SRRM4: variants seen among roughly 807,000 people sequenced by gnomAD.
SRRM4 encodes the protein serine/arginine repetitive matrix 4, also known as serine/arginine repetitive matrix protein 4.
Under a neutral mutation model 68.9 loss-of-function variants are expected in SRRM4, and 33 were observed. The observed-to-expected ratio is 0.48, with a 90% CI of 0.36 to 0.64. The LOEUF (loss-of-function observed/expected upper bound fraction) is 0.64. Among genes scored for constraint, SRRM4 ranks in the 30% least tolerant of loss-of-function variants. The pLI, the probability that SRRM4 is intolerant of heterozygous loss-of-function variation, is 0.00. For missense variants in SRRM4, 817 were observed against 827.1 expected (o/e 0.99, Z 0.15); for synonymous variants, 318 against 318.8 (o/e 1.00, Z 0.03).
intron 1 of SRRM4, among the ~76,000 whole-genome samples, chr12:119,050,850 C>G (rs1054638897): frequency 6.6e-6 from 1 of 151,870 alleles, no homozygotes; most frequent in Non-Finnish European, 1.5e-5. Flanking sequence ...ATTAAATGTA[C>G]TATTTATTTA....
At chr12:119,073,897 G>T (rs1953893316) in intron 1 of SRRM4, among the ~76,000 whole-genome samples, 1 of 152,174 alleles carries the variant, frequency 6.6e-6, no homozygotes, top group South Asian at 2.1e-4. Context: ...CTCCCAAAGT[G>T]CTGGGATTAT....
At chr12:119,112,849 A>C (rs1954153184) in intron 2 of SRRM4, among the ~76,000 whole-genome samples, 3 of 152,202 alleles carry the variant, frequency 2.0e-5, no homozygotes, top group Admixed American at 1.3e-4. Flanking sequence ...GAGCAAATGC[A>C]TGCTGGGCTT....
chr12:119,082,504 G>A (rs1953955158), intron 1 of SRRM4, among the ~76,000 whole-genome samples: 1 of 152,170 alleles, frequency 6.6e-6, no homozygotes, highest in Non-Finnish European at 1.5e-5. Flanking sequence ...TGCAACAAAA[G>A]GCAAAATCCT....
chr12:119,063,835 C>T (rs1400325953), intron 1 of SRRM4, among the ~76,000 whole-genome samples: 1 of 152,120 alleles, frequency 6.6e-6, no homozygotes, highest in Non-Finnish European at 1.5e-5. Context: ...AGTATCTATT[C>T]TCTTGTGAAT....
chr12:119,055,222 C>T (rs756021981), intron 1 of SRRM4, among the ~76,000 whole-genome samples: 3 of 152,112 alleles, frequency 2.0e-5, no homozygotes, highest in Admixed American at 6.6e-5. Flanking sequence ...ACTGGAGTTT[C>T]GTCACTTCTC....
chr12:119,042,333 G>A (rs1953675101), intron 1 of SRRM4, among the ~76,000 whole-genome samples: 1 of 151,980 alleles, frequency 6.6e-6, no homozygotes, highest in Admixed American at 6.6e-5. Flanking sequence ...AGAAAAAGCG[G>A]AGAAAGAAGA....
intron 1 of SRRM4, among the ~76,000 whole-genome samples, chr12:119,034,789 T>A (rs1953615573): frequency 6.6e-6 from 1 of 152,222 alleles, no homozygotes; most frequent in Non-Finnish European, 1.5e-5. Flanking sequence ...TCGTCCCTGG[T>A]TCTTTTGGTG....
At chr12:119,014,126 G>A (rs1370460520) in intron 1 of SRRM4, among the ~76,000 whole-genome samples, 1 of 151,986 alleles carries the variant, frequency 6.6e-6, no homozygotes, top group Non-Finnish European at 1.5e-5. Context: ...ACACGTCTTT[G>A]CATGTTTGTT....
chr12:119,127,728 CAA>C (rs140110081), intron 7 of SRRM4, among the ~76,000 whole-genome samples: 5 of 131,016 alleles, frequency 3.8e-5, no homozygotes, highest in African/African-American at 1.2e-4. Flanking sequence ...AAGTCTGTCT[CAA>C]AAAAAAAAAA....
At chr12:119,097,950 T>C (rs1954055600) in intron 1 of SRRM4, among the ~76,000 whole-genome samples, 1 of 152,216 alleles carries the variant, frequency 6.6e-6, no homozygotes. Context: ...GGATTGCTTG[T>C]GGTATCGATT....
At chr12:119,068,834 G>A (rs760214362) in intron 1 of SRRM4, among the ~76,000 whole-genome samples, 69 of 152,242 alleles carry the variant, frequency 4.5e-4, no homozygotes, top group Non-Finnish European at 7.5e-4. Context: ...GGGATGGCAA[G>A]GAGAAAGAAA....
chr12:119,009,314 G>T (rs1250126722), intron 1 of SRRM4, among the ~76,000 whole-genome samples: 1 of 152,080 alleles, frequency 6.6e-6, no homozygotes, highest in Non-Finnish European at 1.5e-5. Context: ...TAGAGAATCC[G>T]GGCCAAGAAA....
At chr12:119,034,243 C>T (rs773367763) in intron 1 of SRRM4, among the ~76,000 whole-genome samples, 118 of 152,110 alleles carry the variant, frequency 7.8e-4, no homozygotes, top group Non-Finnish European at 1.3e-3. Flanking sequence ...GGGTTTTATT[C>T]CCCACACCAA....
chr12:119,017,047 TA>T (rs1276010902), intron 1 of SRRM4, among the ~76,000 whole-genome samples: 2 of 152,248 alleles, frequency 1.3e-5, no homozygotes, highest in Non-Finnish European at 2.9e-5. Flanking sequence ...GCTTGTTAAA[TA>T]AACAGCAAAC....
chr12:119,015,606 T>G (rs1723918074), intron 1 of SRRM4, among the ~76,000 whole-genome samples: 2 of 152,332 alleles, frequency 1.3e-5, no homozygotes, highest in South Asian at 4.1e-4. Context: ...TGACTGCATT[T>G]AGAACTACCC....
At chr12:119,101,959 C>G (rs1954080069) in intron 1 of SRRM4, among the ~76,000 whole-genome samples, 1 of 152,156 alleles carries the variant, frequency 6.6e-6, no homozygotes, top group Non-Finnish European at 1.5e-5. Context: ...AGGCATCTTT[C>G]CTTCATCAAA....
intron 3 of SRRM4, among the ~76,000 whole-genome samples, chr12:119,115,603 G>A (rs1203193008): frequency 1.2e-4 from 19 of 152,280 alleles, no homozygotes; most frequent in Admixed American, 2.6e-4. Flanking sequence ...GGAGCCAGGG[G>A]GAAATATGGA....
chr12:119,152,193 T>C (rs1210276618), intron 10 of SRRM4, among the ~76,000 whole-genome samples: 1 of 152,180 alleles, frequency 6.6e-6, no homozygotes, highest in African/African-American at 2.4e-5. Context: ...GCTTGATTGT[T>C]CCTCTTTTGC....
intron 1 of SRRM4, among the ~76,000 whole-genome samples, chr12:119,002,398 G>A (rs1462641081): frequency 6.6e-6 from 1 of 152,078 alleles, no homozygotes; most frequent in African/African-American, 2.4e-5. Context: ...GGTATATGAA[G>A]ATGAGCCAGA....
Sources: allele counts gnomAD v4.1 joint callset (sites outside exome capture counted in the v4.1 genomes callset), GRCh38; gene constraint gnomAD v4.1.1; transcripts MANE v1.5; gene names NCBI Gene and HGNC (gene_info 2026-07-23, HGNC 2026-07-21).